Variants in MAGI1 observed in about 807,000 individuals in gnomAD.
The protein encoded by MAGI1 is membrane associated guanylate kinase, WW and PDZ domain containing 1.
A neutral mutation model predicts 139.9 loss-of-function variants in MAGI1; 58 were observed. The observed-to-expected ratio is 0.41, with a 90% confidence interval of 0.34 to 0.52. The LOEUF is 0.52. Among genes scored for constraint, MAGI1 ranks in the 20% least tolerant of loss-of-function variants. MAGI1 has a pLI of 0.12. For missense variants in MAGI1, 1,874 were observed against 1,901.6 expected, an observed-to-expected ratio of 0.99 and a Z score of 0.27; for synonymous variants, 812 against 737.9, an observed-to-expected ratio of 1.10 and a Z score of -1.63.
intron 1 of MAGI1, among the ~76,000 whole-genome samples, chr3:65,929,424 T>C (rs991064782): frequency 5.9e-5 from 9 of 151,474 alleles, no homozygotes; most frequent in African/African-American, 2.2e-4. Flanking sequence ...TACTGCAACC[T>C]CCACCTCCCA....
chr3:65,431,000 AT>A, intron 10 of MAGI1, 119 bp from the exon 11 acceptor site: 11 of 923,162 alleles, frequency 1.2e-5, no homozygotes, highest in South Asian at 1.7e-5. Flanking sequence ...CTTTGGGCAT[AT>A]AGCATCTTAA....
intron 1 of MAGI1, among the ~76,000 whole-genome samples, chr3:66,030,529 T>C (rs1197865873): frequency 6.6e-6 from 1 of 152,124 alleles, no homozygotes; most frequent in Non-Finnish European, 1.5e-5. Flanking sequence ...CTACATACTA[T>C]GGAGTAAAAT....
chr3:65,592,584 A>T (rs2082017510), intron 2 of MAGI1, among the ~76,000 whole-genome samples: 2 of 152,194 alleles, frequency 1.3e-5, no homozygotes, highest in South Asian at 4.1e-4. Context: ...AACAGGAGGT[A>T]GAGTGTGATA....
intron 1 of MAGI1, among the ~76,000 whole-genome samples, chr3:65,796,323 T>C (rs2040146852): frequency 6.6e-6 from 1 of 152,232 alleles, no homozygotes; most frequent in South Asian, 2.1e-4. Flanking sequence ...GTAATCTGCT[T>C]TGCTCTGAAT....
chr3:66,002,504 G>C (rs755001731), intron 1 of MAGI1, among the ~76,000 whole-genome samples: 20 of 151,944 alleles, frequency 1.3e-4, no homozygotes, highest in Non-Finnish European at 2.5e-4. Context: ...GTCCCACATA[G>C]ACTATTTTTC....
intron 5 of MAGI1, among the ~76,000 whole-genome samples, chr3:65,461,236 G>A (rs1191613669): frequency 1.3e-5 from 2 of 151,754 alleles, no homozygotes; most frequent in South Asian, 2.1e-4. Flanking sequence ...TATTTTTTGC[G>A]ATGGAGTCTT....
intron 1 of MAGI1, among the ~76,000 whole-genome samples, chr3:65,836,941 T>TAA (rs1375883710): frequency 6.6e-6 from 1 of 152,082 alleles, no homozygotes; most frequent in Admixed American, 6.5e-5. Flanking sequence ...TTGAAACTGT[T>TAA]AAATTGTAAT....
At chr3:65,380,688 T>C (rs974792410) in intron 16 of MAGI1, 1 of 152,162 alleles carries the variant, frequency 6.6e-6, no homozygotes, top group African/African-American at 2.4e-5. Context: ...ATCCAAAATA[T>C]TTAAGATTTA....
intron 1 of MAGI1, among the ~76,000 whole-genome samples, chr3:65,851,857 T>C (rs780996677): frequency 6.6e-6 from 1 of 152,214 alleles, no homozygotes; most frequent in African/African-American, 2.4e-5. Context: ...TTATGTTCAG[T>C]AATATAAAAA....
chr3:65,893,677 C>T lies in MAGI1; in HGVS notation c.313+144319G>A, dbSNP rs908740077. 3.0e-4 allele frequency: 45 copies of T among 152,302 alleles called. 1 individual carries two copies. Among genetic ancestry groups the T allele is most frequent in the Non-Finnish European group, 5.3e-4 (36 of 68,036 alleles). The allele number at this position is 152,302 out of a possible 1,614,324, so 9.4% of individuals were successfully genotyped here. On this transcript the variant is annotated intron_variant, in intron 1 of 22. Transcript: ENST00000402939. ...ACAGTATGCAAAATTAGAAGAAGAA[C>T]TACTATTTGAATTCATGATTTCTTT...
At chr3:65,839,866 T>A (rs2058746882) in intron 1 of MAGI1, among the ~76,000 whole-genome samples, 1 of 152,254 alleles carries the variant, frequency 6.6e-6, no homozygotes, top group South Asian at 2.1e-4. Context: ...TTGTAAAGCA[T>A]CTTTACGACG....
intron 13 of MAGI1, among the ~76,000 whole-genome samples, chr3:65,394,419 C>T (rs994202685): frequency 6.6e-6 from 1 of 152,152 alleles, no homozygotes; most frequent in Non-Finnish European, 1.5e-5. Context: ...AAAGGAGCAT[C>T]CTGAGAATAT....
intron 1 of MAGI1, among the ~76,000 whole-genome samples, chr3:65,795,284 ATCT>A (rs747194837): frequency 2.0e-5 from 3 of 152,150 alleles, no homozygotes; most frequent in Non-Finnish European, 2.9e-5. Context: ...ATCAACACAG[ATCT>A]TCTTCAATAG....
chr3:65,862,342 G>A (rs2059584390), intron 1 of MAGI1, among the ~76,000 whole-genome samples: 1 of 152,114 alleles, frequency 6.6e-6, no homozygotes. Context: ...ACCTGCCACA[G>A]AGTTCATACT....
intron 1 of MAGI1, among the ~76,000 whole-genome samples, chr3:65,709,992 G>C (rs2031108774): frequency 6.6e-6 from 1 of 152,166 alleles, no homozygotes; most frequent in Non-Finnish European, 1.5e-5. Flanking sequence ...CCAAAAAGCT[G>C]ACTTGGTGAG....
At chr3:65,754,858 A>T (rs1352868547) in intron 1 of MAGI1, among the ~76,000 whole-genome samples, 1 of 152,222 alleles carries the variant, frequency 6.6e-6, no homozygotes, top group Non-Finnish European at 1.5e-5. Context: ...TATGTTTAAA[A>T]GGAAGTTATC....
chr3:65,666,582 T>C (rs2086541755), intron 1 of MAGI1, among the ~76,000 whole-genome samples: 2 of 152,248 alleles, frequency 1.3e-5, no homozygotes, highest in South Asian at 2.1e-4. Context: ...AAGATAGGAA[T>C]GACACATGTC....
chr3:65,463,128 T>C (rs142623662), intron 5 of MAGI1, among the ~76,000 whole-genome samples: 25,306 of 152,232 alleles, frequency 0.17, 2,882 homozygotes, highest in Non-Finnish European at 0.24. Context: ...TCTTGCCTGA[T>C]TGCCCTAGCC....
intron 2 of MAGI1, among the ~76,000 whole-genome samples, chr3:65,600,607 T>A (rs916875121): frequency 6.7e-6 from 1 of 149,214 alleles, no homozygotes; most frequent in Non-Finnish European, 1.5e-5. Context: ...TTAAAACCAG[T>A]AGGTCCTGGG....
Sources: gnomAD v4.1 joint callset for allele counts (sites outside exome capture counted in the v4.1 genomes callset) on GRCh38, gnomAD v4.1.1 for gene constraint, MANE v1.5 for transcripts, NCBI Gene and HGNC (gene_info 2026-07-23, HGNC 2026-07-21) for gene names.